The following SORCS3 variants were observed in gnomAD, a reference collection of about 807,000 sequenced individuals.
The protein encoded by SORCS3 is sortilin related VPS10 domain containing receptor 3.
In SORCS3, 57 loss-of-function variants were observed where a neutral mutation model predicts 146.3. The ratio of observed to expected loss-of-function variants is 0.39; its 90% CI spans 0.31 to 0.49. The LOEUF is 0.49. Among genes scored for constraint, SORCS3 ranks in the 20% least tolerant of loss-of-function variants. SORCS3 has a pLI of 0.92. For missense variants in SORCS3, 1,341 were observed against 1,575.5 expected (o/e 0.85, Z 2.52); for synonymous variants, 653 against 618.5 (o/e 1.06, Z -0.83).
chr10:105,156,990 G>A, intron 9 of SORCS3, 148 bp from the exon 10 acceptor site: 1 of 836,836 alleles, frequency 1.2e-6, no homozygotes, highest in Non-Finnish European at 1.9e-6. Flanking sequence ...GAGACCACAT[G>A]GCATTCAACG....
intron 5 of SORCS3, among the ~76,000 whole-genome samples, chr10:105,050,672 G>A (rs927930453): frequency 2.6e-5 from 4 of 152,112 alleles, no homozygotes; most frequent in Non-Finnish European, 2.9e-5. Flanking sequence ...CTGACCAACA[G>A]AAACAGTGAG....
At chr10:105,202,993 A>G (rs2056583244) in intron 16 of SORCS3, among the ~76,000 whole-genome samples, 1 of 152,180 alleles carries the variant, frequency 6.6e-6, no homozygotes, top group South Asian at 2.1e-4. Context: ...AAGTAAGTCC[A>G]AGTGGGCACA....
At chr10:104,830,894 C>T (rs1031495641) in intron 1 of SORCS3, among the ~76,000 whole-genome samples, 1 of 152,204 alleles carries the variant, frequency 6.6e-6, no homozygotes, top group Non-Finnish European at 1.5e-5. Context: ...TCACTACAGC[C>T]TTGACCTCCT....
At chr10:104,834,698 A>ATT (rs149897704) in intron 1 of SORCS3, among the ~76,000 whole-genome samples, 21,467 of 136,808 alleles carry the variant, frequency 0.16, 2,026 homozygotes, top group African/African-American at 0.28. Context: ...TTTGTTACCT[A>ATT]TTTTTTTTTT....
intron 3 of SORCS3, among the ~76,000 whole-genome samples, chr10:104,973,431 T>TA (rs1270095252): frequency 3.3e-5 from 5 of 152,216 alleles, no homozygotes; most frequent in African/African-American, 4.8e-5. Context: ...TGGGAGGGTG[T>TA]ATGTGTTGAG....
chr10:104,898,447 C>T (rs903143992), intron 2 of SORCS3, among the ~76,000 whole-genome samples: 8 of 152,092 alleles, frequency 5.3e-5, no homozygotes, highest in Admixed American at 2.0e-4. Context: ...CTTAAAGTTT[C>T]CTTGGGGGCC....
Position 104,730,228 on chromosome 10 carries a change from C to A in SORCS3, c.627+88274C>A, listed in dbSNP as rs73336117. 4.0e-3 allele frequency among the ~76,000 whole-genome samples: 610 copies of A among 152,310 alleles called. 5 individuals are homozygous for A. The highest frequency in any genetic ancestry group is 0.014 in the African/African-American group (583 of 41,558). On this transcript the variant is annotated intron_variant, in intron 1 of 26. Transcript: ENST00000369701. ...TTATATGATTCTCTCATTTACCTTT[C>A]TGAATAGTCCAATGAAGTATATACT...
intron 4 of SORCS3, among the ~76,000 whole-genome samples, chr10:105,027,432 G>A (rs1329683043): frequency 6.6e-6 from 1 of 152,116 alleles, no homozygotes; most frequent in African/African-American, 2.4e-5. Context: ...CACTTTCTCT[G>A]CTTTAATTTT....
chr10:104,905,911 C>A (rs2018900356), intron 2 of SORCS3, among the ~76,000 whole-genome samples: 1 of 152,102 alleles, frequency 6.6e-6, no homozygotes, highest in South Asian at 2.1e-4. Flanking sequence ...GAGTGCCTTC[C>A]ATGTGCAAGG....
chr10:105,226,446 G>A (rs981010667), intron 20 of SORCS3, among the ~76,000 whole-genome samples: 3 of 151,996 alleles, frequency 2.0e-5, no homozygotes, highest in African/African-American at 7.2e-5. Flanking sequence ...CGTGCTGTTG[G>A]ATTCAGTTTG....
intron 2 of SORCS3, among the ~76,000 whole-genome samples, chr10:104,889,305 G>GATCTGACAATCTTTGCTTTTTA (rs2018724732): frequency 7.0e-6 from 1 of 143,286 alleles, no homozygotes; most frequent in African/African-American, 2.6e-5. Flanking sequence ...TTTTAAATCC[G>GATCTGACAATCTTTGCTTTTTA]ATCTGACAAT....
intron 2 of SORCS3, among the ~76,000 whole-genome samples, chr10:104,881,859 C>T (rs2018633582): frequency 6.6e-6 from 1 of 152,178 alleles, no homozygotes; most frequent in African/African-American, 2.4e-5. Context: ...TCTCTGGGCT[C>T]AGTTTTTCAC....
chr10:105,061,741 G>A (rs2055489241), intron 5 of SORCS3, among the ~76,000 whole-genome samples: 1 of 152,098 alleles, frequency 6.6e-6, no homozygotes, highest in Non-Finnish European at 1.5e-5. Context: ...TGGCATGGGT[G>A]GAGAAAGAGG....
intron 1 of SORCS3, among the ~76,000 whole-genome samples, chr10:104,745,004 C>G (rs567103698): frequency 7.5e-4 from 114 of 152,226 alleles, no homozygotes; most frequent in Admixed American, 1.3e-3. Flanking sequence ...ACAAAGAATA[C>G]CAAAGGAATC....
At chr10:104,660,959 T>G (rs542364335) in intron 1 of SORCS3, among the ~76,000 whole-genome samples, 2 of 152,240 alleles carry the variant, frequency 1.3e-5, no homozygotes, top group African/African-American at 2.4e-5. Context: ...GGAGGGGCAA[T>G]TGGGGAGAGC....
intron 1 of SORCS3, among the ~76,000 whole-genome samples, chr10:104,699,343 C>A (rs1488627969): frequency 6.6e-6 from 1 of 152,016 alleles, no homozygotes; most frequent in Non-Finnish European, 1.5e-5. Flanking sequence ...CCTGGAGTCT[C>A]CTTAAGAATA....
chr10:105,012,344 G>T (rs2055140672), intron 4 of SORCS3, among the ~76,000 whole-genome samples: 1 of 152,132 alleles, frequency 6.6e-6, no homozygotes, highest in Non-Finnish European at 1.5e-5. Flanking sequence ...TCAAAGTGAA[G>T]GAAAATCATG....
intron 5 of SORCS3, among the ~76,000 whole-genome samples, chr10:105,067,072 G>A (rs920873546): frequency 6.6e-6 from 1 of 152,000 alleles, no homozygotes; most frequent in African/African-American, 2.4e-5. Context: ...ACTCTCTCTT[G>A]GTTCACTATC....
chr10:104,722,296 G>A (rs1330992457), intron 1 of SORCS3, among the ~76,000 whole-genome samples: 2 of 152,190 alleles, frequency 1.3e-5, no homozygotes, highest in Admixed American at 1.3e-4. Context: ...ATTTGCATAT[G>A]TTGAACCAGC....
Sources: gnomAD v4.1 joint callset for allele counts (sites outside exome capture counted in the v4.1 genomes callset) on GRCh38, gnomAD v4.1.1 for gene constraint, MANE v1.5 for transcripts, NCBI Gene and HGNC (gene_info 2026-07-23, HGNC 2026-07-21) for gene names.